The following GNB1 variants were observed in gnomAD, a reference collection of about 807,000 sequenced individuals.
GNB1 encodes the protein guanine nucleotide-binding protein G(I)/G(S)/G(T) subunit beta-1.
GNB1 carries 2 observed loss-of-function variants against 42.9 expected under a neutral mutation model. The ratio of observed to expected loss-of-function variants is 0.05; its 90% CI spans 0.02 to 0.15. The LOEUF is 0.15. GNB1 is among the 10% of genes least tolerant of loss of function. The pLI, the probability that GNB1 is intolerant of heterozygous loss-of-function variation, is 1.00. For missense variants in GNB1, 193 were observed against 462.2 expected, an observed-to-expected ratio of 0.42 and a Z score of 5.34; for synonymous variants, 183 against 174.7, an observed-to-expected ratio of 1.05 and a Z score of -0.38.
chr1:1,804,322 T>C lies in GNB1; in HGVS notation c.430+97A>G, dbSNP rs188759425. Reference sequence around the variant, plus strand: ...TCAAAAAAAATAATTAATTAATTAATTAAAAAATGATTGATAAAAAGTGAG... The same window carrying C: ...TCAAAAAAAATAATTAATTAATTAACTAAAAAATGATTGATAAAAAGTGAG... On this transcript the variant is annotated intron_variant, in intron 7 of 11. Coordinates refer to ENST00000378609, the MANE Select transcript of GNB1 (RefSeq NM_002074.5). The C allele has an allele frequency of 8.8e-4, 702 of 795,044 alleles. 2 individuals are homozygous for C. Among genetic ancestry groups the C allele is most frequent in the Non-Finnish European group, 1.1e-3 (549 of 489,088 alleles). The allele number at this position is 795,044 out of a possible 1,614,324, so 49.2% of individuals were successfully genotyped here.
At chr1:1,807,527 C>CA (rs1202293290) in intron 5 of GNB1, among the ~76,000 whole-genome samples, 1 of 143,128 alleles carries the variant, frequency 7.0e-6, no homozygotes, top group Non-Finnish European at 1.5e-5. Flanking sequence ...TTAGACATTC[C>CA]AAATTCATGA....
At chr1:1,806,599 CA>C in intron 5 of GNB1, 61 bp from the exon 6 acceptor site, 1 of 1,135,482 alleles carries the variant, frequency 8.8e-7, no homozygotes, top group Admixed American at 1.8e-5. Context: ...TGTACAAGAG[CA>C]ACAGACTAAA....
chr1:1,790,283 G>A lies in GNB1; in HGVS notation c.699+112C>T. ...TGTATCCCCATCTGTACATGAGGTTGTATAAGGATCAGAAAGGAGAACATC... is the reference window on the plus strand; with the variant it reads ...TGTATCCCCATCTGTACATGAGGTTATATAAGGATCAGAAAGGAGAACATC... On this transcript the variant is annotated intron_variant, in intron 9 of 11. Coordinates refer to ENST00000378609, the MANE Select transcript of GNB1 (RefSeq NM_002074.5). This position sits in a 1 kb window ranked among gnomAD's most constrained non-coding sequence, Gnocchi z 5.4. The A allele has an allele frequency of 1.4e-6, 1 of 729,046 alleles. No homozygotes were observed. Among genetic ancestry groups the A allele is most frequent in the South Asian group, 1.7e-5 (1 of 60,512 alleles). 45.2% of individuals were successfully genotyped at this position (729,046 alleles called of 1,614,324 possible). A position where few individuals can be genotyped will look rare whatever the true frequency, so the allele number is the denominator to read the frequency against.
At chr1:1,794,074 A>T (rs559623666) in intron 7 of GNB1, 2 of 152,226 alleles carry the variant, frequency 1.3e-5, no homozygotes, top group Non-Finnish European at 2.9e-5. Flanking sequence ...GCGTGGGCAC[A>T]ATTCTGTGTC....
At chr1:1,807,669 C>T (rs939137119) in intron 5 of GNB1, among the ~76,000 whole-genome samples, 13 of 151,806 alleles carry the variant, frequency 8.6e-5, no homozygotes, top group Non-Finnish European at 1.5e-4. Flanking sequence ...TGCGCATGGT[C>T]CGGGAGCAGA....
intron 1 of GNB1, among the ~76,000 whole-genome samples, chr1:1,887,365 T>A (rs1395303868): frequency 2.0e-5 from 3 of 152,202 alleles, no homozygotes; most frequent in Non-Finnish European, 4.4e-5. Context: ...ACCTTTTTCA[T>A]CCTTTTATCA....
chr1:1,792,394 T>C (rs191623969), intron 8 of GNB1, among the ~76,000 whole-genome samples: 16 of 152,182 alleles, frequency 1.1e-4, no homozygotes, highest in Non-Finnish European at 1.9e-4. Flanking sequence ...TTGAGCCTGA[T>C]TGTAGTTAAA....
chr1:1,857,552 T>C (rs1183334141), intron 1 of GNB1, among the ~76,000 whole-genome samples: 1 of 152,242 alleles, frequency 6.6e-6, no homozygotes, highest in African/African-American at 2.4e-5. Context: ...GCAAGTCCTG[T>C]GGGCAGCTGC....
At chr1:1,812,386 A>G (rs2100810870) in intron 5 of GNB1, among the ~76,000 whole-genome samples, 1 of 120,904 alleles carries the variant, frequency 8.3e-6, no homozygotes, top group East Asian at 2.5e-4. Flanking sequence ...ATATACATGT[A>G]TATATATACA....
chr1:1,881,127 A>T (rs191387874), intron 1 of GNB1, among the ~76,000 whole-genome samples: 137 of 152,242 alleles, frequency 9.0e-4, no homozygotes, highest in East Asian at 1.4e-3. Flanking sequence ...GACTCCTCAA[A>T]CCCAACACAC....
intron 2 of GNB1, among the ~76,000 whole-genome samples, chr1:1,829,807 T>C (rs1015779431): frequency 6.6e-6 from 1 of 152,036 alleles, no homozygotes; most frequent in Admixed American, 6.6e-5. Flanking sequence ...GGCACAGTGC[T>C]GGCTCACTGC....
chr1:1,888,223 A>C (rs1465592860), intron 1 of GNB1, among the ~76,000 whole-genome samples: 1 of 152,142 alleles, frequency 6.6e-6, no homozygotes, highest in Admixed American at 6.6e-5. Context: ...TTCATGTTGG[A>C]ACAGTTTCCT....
chr1:1,790,627 C>T lies in GNB1; in HGVS notation c.498-31G>A. ...GCAGGAGCGAATGACAAGGGGACAT[C>T]AGCCTTAACTTCTTGGGTGGCTAGT... On this transcript the variant is annotated intron_variant, in intron 8 of 11. Coordinates refer to ENST00000378609, the MANE Select transcript of GNB1 (RefSeq NM_002074.5). This position sits in a 1 kb window ranked among gnomAD's most constrained non-coding sequence, Gnocchi z 5.4. 6.6e-7 allele frequency: 1 copy of T among 1,516,548 alleles called. No individual in the cohort carries two copies. Among genetic ancestry groups the T allele is most frequent in the Non-Finnish European group, 9.1e-7 (1 of 1,093,612 alleles). 93.9% of individuals were successfully genotyped at this position (1,516,548 alleles called of 1,614,324 possible).
intron 1 of GNB1, among the ~76,000 whole-genome samples, chr1:1,854,673 G>A (rs1304291887): frequency 1.3e-5 from 2 of 152,226 alleles, no homozygotes; most frequent in African/African-American, 2.4e-5. Context: ...TAGCGAGGCT[G>A]AGGAAGGAGG....
At chr1:1,877,347 T>C (rs995012329) in intron 1 of GNB1, among the ~76,000 whole-genome samples, 1 of 141,400 alleles carries the variant, frequency 7.1e-6, no homozygotes, top group Non-Finnish European at 1.5e-5. Context: ...ACACACAGAG[T>C]GGGACCCCCA....
chr1:1,807,476 A>C (rs1646715611), intron 5 of GNB1, among the ~76,000 whole-genome samples: 1 of 147,520 alleles, frequency 6.8e-6, no homozygotes, highest in South Asian at 2.1e-4. Context: ...AAAAAAAAAA[A>C]AAAAAAAAAA....
At chr1:1,837,990 G>A (rs1481750577) in intron 2 of GNB1, among the ~76,000 whole-genome samples, 1 of 151,320 alleles carries the variant, frequency 6.6e-6, no homozygotes, top group Non-Finnish European at 1.5e-5. Flanking sequence ...ATCACCTGAG[G>A]TCAGGAGTTC....
intron 3 of GNB1, among the ~76,000 whole-genome samples, chr1:1,822,332 C>T (rs1271511031): frequency 3.4e-5 from 5 of 144,998 alleles, no homozygotes; most frequent in African/African-American, 7.7e-5. Flanking sequence ...GACGGAGTCT[C>T]GCTCTGTCTC....
chr1:1,884,581 T>A (rs1650041589), intron 1 of GNB1, among the ~76,000 whole-genome samples: 1 of 152,126 alleles, frequency 6.6e-6, no homozygotes, highest in African/African-American at 2.4e-5. Flanking sequence ...ACATAGGGAA[T>A]ATATTTTCTA....
Sources: gnomAD v4.1 joint callset for allele counts (sites outside exome capture counted in the v4.1 genomes callset) on GRCh38, gnomAD v4.1.1 for gene constraint, Gnocchi (gnomAD v3.1) non-coding constraint, MANE v1.5 for transcripts, NCBI Gene and HGNC (gene_info 2026-07-23, HGNC 2026-07-21) for gene names.